Variants in NRXN3 observed in about 807,000 individuals in gnomAD.
NRXN3 encodes the protein neurexin 3, also known as neurexin III.
NRXN3 carries 32 observed loss-of-function variants against 137.6 expected under a neutral mutation model. The ratio of observed to expected loss-of-function variants is 0.23; its 90% CI spans 0.18 to 0.31. The LOEUF is 0.31. Among genes scored for constraint, NRXN3 ranks in the 10% least tolerant of loss-of-function variants. NRXN3 has a pLI of 1.00. For synonymous variants in NRXN3, 798 were observed against 784.5 expected (o/e 1.02, Z -0.29); for missense variants, 1,574 against 2,062.5 (o/e 0.76, Z 4.59).
intron 6 of NRXN3, among the ~76,000 whole-genome samples, chr14:78,663,556 T>G (rs1180333743): frequency 6.6e-6 from 1 of 152,210 alleles, no homozygotes; most frequent in Non-Finnish European, 1.5e-5. Flanking sequence ...GGCAGCACAT[T>G]GTTTCTTTTT....
At chr14:78,809,759 G>C (rs561218547) in intron 9 of NRXN3, among the ~76,000 whole-genome samples, 1 of 152,074 alleles carries the variant, frequency 6.6e-6, no homozygotes, top group African/African-American at 2.4e-5. Context: ...AAGAGAAAGG[G>C]TTAAGTACGT....
chr14:79,387,355 C>A (rs1414663443), intron 15 of NRXN3, among the ~76,000 whole-genome samples: 1 of 152,110 alleles, frequency 6.6e-6, no homozygotes, highest in Non-Finnish European at 1.5e-5. Flanking sequence ...TGAAAAAATG[C>A]TCATCATCAC....
chr14:79,441,533 C>T (rs1567136733), intron 15 of NRXN3, among the ~76,000 whole-genome samples: 1 of 151,688 alleles, frequency 6.6e-6, no homozygotes, highest in Non-Finnish European at 1.5e-5. Context: ...GCGCCCGCCA[C>T]CGCACCCGGC....
intron 19 of NRXN3, among the ~76,000 whole-genome samples, chr14:79,758,128 A>C (rs946182966): frequency 3.9e-4 from 60 of 152,208 alleles, no homozygotes; most frequent in African/African-American, 1.4e-3. Flanking sequence ...GAGCAAGTTT[A>C]ACAAATTGTC....
chr14:78,840,651 C>T (rs1057195431), intron 10 of NRXN3, among the ~76,000 whole-genome samples: 14 of 152,058 alleles, frequency 9.2e-5, no homozygotes, highest in East Asian at 1.9e-4. Context: ...GAATGTTGCT[C>T]GTCACCCTGG....
chr14:78,755,014 C>T (rs569378708), intron 8 of NRXN3, among the ~76,000 whole-genome samples: 3 of 152,076 alleles, frequency 2.0e-5, no homozygotes, highest in African/African-American at 7.2e-5. Flanking sequence ...TGTGCCAGTT[C>T]CAAGCCTAGA....
intron 15 of NRXN3, among the ~76,000 whole-genome samples, chr14:79,270,064 G>A (rs769968696): frequency 5.3e-5 from 8 of 152,138 alleles, no homozygotes; most frequent in Non-Finnish European, 1.0e-4. Flanking sequence ...AAATTCAGAA[G>A]TAAAAAGCAA....
intron 18 of NRXN3, among the ~76,000 whole-genome samples, chr14:79,692,735 T>A (rs2098721138): frequency 6.6e-6 from 1 of 151,992 alleles, no homozygotes; most frequent in Non-Finnish European, 1.5e-5. Flanking sequence ...TTGACTCTTG[T>A]AACTTAAACT....
chr14:79,271,009 A>C (rs571541665), intron 15 of NRXN3, among the ~76,000 whole-genome samples: 1 of 152,342 alleles, frequency 6.6e-6, no homozygotes, highest in East Asian at 1.9e-4. Flanking sequence ...ATTCTCTGTT[A>C]AGTAAATTTA....
intron 1 of NRXN3, among the ~76,000 whole-genome samples, chr14:78,203,428 T>G (rs1342303807): frequency 6.6e-6 from 1 of 152,158 alleles, no homozygotes; most frequent in Non-Finnish European, 1.5e-5. Context: ...TATGATGTAT[T>G]TCTTTGATCC....
intron 16 of NRXN3, among the ~76,000 whole-genome samples, chr14:79,484,401 A>G (rs2096637050): frequency 1.3e-5 from 2 of 152,192 alleles, no homozygotes; most frequent in South Asian, 4.2e-4. Context: ...GTATTCTTTA[A>G]ACCTCCTCCA....
chr14:78,358,487 G>T (rs566098394), intron 4 of NRXN3, among the ~76,000 whole-genome samples: 1 of 152,278 alleles, frequency 6.6e-6, no homozygotes, highest in South Asian at 2.1e-4. Flanking sequence ...GCTATTCTGA[G>T]CGGGCTGGTA....
At chr14:78,967,610 C>T (rs1350068058) in intron 13 of NRXN3, among the ~76,000 whole-genome samples, 1 of 151,964 alleles carries the variant, frequency 6.6e-6, no homozygotes, top group East Asian at 1.9e-4. Context: ...CTGATAACCT[C>T]GGGAATGTCA....
At chr14:79,373,542 A>G (rs2094173748) in intron 15 of NRXN3, among the ~76,000 whole-genome samples, 2 of 152,288 alleles carry the variant, frequency 1.3e-5, no homozygotes, top group South Asian at 4.1e-4. Flanking sequence ...TTTCATTTCT[A>G]TTTACCTACC....
chr14:79,497,803 G>A (rs889235906), intron 16 of NRXN3, among the ~76,000 whole-genome samples: 4 of 152,130 alleles, frequency 2.6e-5, no homozygotes, highest in Admixed American at 6.6e-5. Flanking sequence ...TTGGGAGGCC[G>A]AGGTGGGTGG....
At chr14:78,179,376 G>A (rs2059573415) in intron 1 of NRXN3, among the ~76,000 whole-genome samples, 1 of 152,196 alleles carries the variant, frequency 6.6e-6, no homozygotes, top group South Asian at 2.1e-4. Flanking sequence ...CCCCTAGGCT[G>A]AGCTGCATCA....
chr14:79,009,012 G>C (rs192339524), intron 15 of NRXN3, among the ~76,000 whole-genome samples: 1 of 151,934 alleles, frequency 6.6e-6, no homozygotes, highest in Non-Finnish European at 1.5e-5. Flanking sequence ...GATGTTTGCC[G>C]GGAAGAGATT....
At chr14:78,637,824 G>T (rs759672409) in intron 4 of NRXN3, among the ~76,000 whole-genome samples, 1 of 152,164 alleles carries the variant, frequency 6.6e-6, no homozygotes, top group African/African-American at 2.4e-5. Context: ...TTTGTAAAAT[G>T]TCAGCTAATG....
chr14:78,456,801 CTTT>C (rs1567643984), intron 4 of NRXN3, among the ~76,000 whole-genome samples: 2 of 84,138 alleles, frequency 2.4e-5, no homozygotes, highest in African/African-American at 8.8e-5. Context: ...CTCTTTCTCT[CTTT>C]CTTTCTTTCT....
Sources: gnomAD v4.1 joint callset for allele counts (sites outside exome capture counted in the v4.1 genomes callset) on GRCh38, gnomAD v4.1.1 for gene constraint, MANE v1.5 for transcripts, NCBI Gene and HGNC (gene_info 2026-07-23, HGNC 2026-07-21) for gene names.